WIPF1: variants seen among roughly 807,000 people sequenced by gnomAD.
The protein encoded by WIPF1 is WAS/WASL interacting protein family member 1, also known as WAS/WASL-interacting protein family member 1.
WIPF1 carries 13 observed loss-of-function variants against 35.4 expected under a neutral mutation model. The ratio of observed to expected loss-of-function variants is 0.37; its 90% confidence interval spans 0.24 to 0.58. The LOEUF is 0.58. WIPF1 is among the 20% of genes least tolerant of loss of function. The pLI is 0.74. For synonymous variants in WIPF1, 267 were observed against 266.3 expected (o/e 1.00, Z -0.02); for missense variants, 591 against 667.0 (o/e 0.89, Z 1.25).
At chr2:174,674,298 C>A (rs1019981110) in intron 1 of WIPF1, among the ~76,000 whole-genome samples, 1 of 152,154 alleles carries the variant, frequency 6.6e-6, no homozygotes, top group Admixed American at 6.5e-5. Context: ...CTCAAAGAAC[C>A]TTTGTCTTCA....
intron 1 of WIPF1, among the ~76,000 whole-genome samples, chr2:174,663,293 G>A (rs1041017824): frequency 3.3e-5 from 5 of 152,218 alleles, no homozygotes; most frequent in African/African-American, 9.7e-5. Context: ...AAGGGGTGCA[G>A]AGGAGAAACA....
In WIPF1 at chr2:174,562,386, C is replaced by G; in HGVS notation, c.*161G>C. 6.7e-7 allele frequency: 1 copy of G among 1,492,534 alleles called. No homozygotes were observed. The highest frequency in any genetic ancestry group is 8.9e-7 in the Non-Finnish European group (1 of 1,119,280). The allele number at this position is 1,492,534 out of a possible 1,614,324, so 92.5% of individuals were successfully genotyped here. On this transcript the variant is annotated 3_prime_UTR_variant, in exon 8 of 8. Coordinates refer to ENST00000679041, the MANE Select transcript of WIPF1 (RefSeq NM_001375834.1). ...ACAATATGAAAAGCTAGGTGCATTT[C>G]TTACCGATTCCCACCCACACACGCA...
chr2:174,621,456 A>C (rs79679936), intron 1 of WIPF1, among the ~76,000 whole-genome samples: 3,923 of 152,188 alleles, frequency 0.026, 180 homozygotes, highest in African/African-American at 0.09. Flanking sequence ...ATAGATCTGA[A>C]TAATTAGTAT....
intron 1 of WIPF1, among the ~76,000 whole-genome samples, chr2:174,597,243 A>G (rs980420093): frequency 1.3e-5 from 2 of 152,304 alleles, no homozygotes; most frequent in Admixed American, 6.5e-5. Context: ...TGGCCACACC[A>G]AAGATTCAAA....
chr2:174,660,469 G>A (rs114841252), intron 1 of WIPF1, among the ~76,000 whole-genome samples: 1 of 152,138 alleles, frequency 6.6e-6, no homozygotes, highest in Non-Finnish European at 1.5e-5. Context: ...AACATTCCCA[G>A]GGCAGAGATT....
intron 1 of WIPF1, among the ~76,000 whole-genome samples, chr2:174,667,215 C>T (rs571251156): frequency 1.1e-3 from 169 of 152,340 alleles, no homozygotes; most frequent in Non-Finnish European, 2.3e-3. Context: ...TTCCCACCCT[C>T]GAACAGTCTA....
At chr2:174,672,513 T>A (rs1688039939) in intron 1 of WIPF1, among the ~76,000 whole-genome samples, 1 of 152,262 alleles carries the variant, frequency 6.6e-6, no homozygotes, top group African/African-American at 2.4e-5. Flanking sequence ...CTTTATATAT[T>A]ATACATACAC....
At chr2:174,664,559 A>G (rs1256941209) in intron 1 of WIPF1, among the ~76,000 whole-genome samples, 2 of 152,242 alleles carry the variant, frequency 1.3e-5, no homozygotes, top group African/African-American at 4.8e-5. Context: ...AATGAGCAGT[A>G]GGGGAAAACC....
intron 1 of WIPF1, among the ~76,000 whole-genome samples, chr2:174,593,294 A>C (rs1685684761): frequency 6.6e-6 from 1 of 152,234 alleles, no homozygotes; most frequent in Non-Finnish European, 1.5e-5. Flanking sequence ...AAAAATATTA[A>C]CAGAACAAAA....
intron 1 of WIPF1, among the ~76,000 whole-genome samples, chr2:174,670,192 C>T (rs1285982661): frequency 6.6e-6 from 1 of 152,146 alleles, no homozygotes; most frequent in African/African-American, 2.4e-5. Context: ...TCCCTGCCCC[C>T]CCATCCCACT....
At chr2:174,668,872 A>T (rs1179860511) in intron 1 of WIPF1, among the ~76,000 whole-genome samples, 3 of 152,204 alleles carry the variant, frequency 2.0e-5, no homozygotes, top group Non-Finnish European at 2.9e-5. Flanking sequence ...AAGAGGCAGG[A>T]GGGCCTCATA....
chr2:174,605,386 C>T (rs538098140), intron 1 of WIPF1, among the ~76,000 whole-genome samples: 5 of 152,092 alleles, frequency 3.3e-5, no homozygotes, highest in South Asian at 4.2e-4. Flanking sequence ...TACAGTGAGC[C>T]GAGATTACGC....
chr2:174,657,014 C>T (rs1311599500), intron 1 of WIPF1, among the ~76,000 whole-genome samples: 1 of 152,222 alleles, frequency 6.6e-6, no homozygotes, highest in Non-Finnish European at 1.5e-5. Context: ...CACACTGTTA[C>T]ATAATCCAGA....
At chr2:174,657,467 T>C (rs1324636021) in intron 1 of WIPF1, among the ~76,000 whole-genome samples, 1 of 152,066 alleles carries the variant, frequency 6.6e-6, no homozygotes, top group East Asian at 1.9e-4. Context: ...AAAAATCAGC[T>C]CCCAGGGTTT....
intron 1 of WIPF1, among the ~76,000 whole-genome samples, chr2:174,653,176 G>C (rs1364529800): frequency 2.6e-5 from 4 of 152,160 alleles, no homozygotes; most frequent in African/African-American, 9.7e-5. Flanking sequence ...AAGTGGCAGA[G>C]ATTAGGTTCA....
rs539724318 is a variant in WIPF1 at position 174,560,065 on chromosome 2, A to G, written c.*2482T>C. ...GAGGTGAATGTTAAAATACTGTATT[A>G]CATGTTGAATACATTTATCTGAAAA... On this transcript the variant is annotated 3_prime_UTR_variant, in exon 8 of 8. Transcript: ENST00000679041. 6.5e-6 allele frequency: 1 copy of G among 152,790 alleles called. No homozygotes were observed. Among genetic ancestry groups the G allele is most frequent in the South Asian group, 2.1e-4 (1 of 4,832 alleles). The allele number at this position is 152,790 out of a possible 1,614,324, so 9.5% of individuals were successfully genotyped here.
rs192357121 is a variant in WIPF1, at chr2:174,585,323, G to C, written c.51+200C>G. ...CACCCTTGTACTATCCATCACACGAGACCTTAAACAAACAAAACCCTTCGT... is the reference window on the plus strand; with the variant it reads ...CACCCTTGTACTATCCATCACACGACACCTTAAACAAACAAAACCCTTCGT... On this transcript the variant is annotated intron_variant, in intron 2 of 7. Transcript: ENST00000679041. Among the ~76,000 whole-genome samples, 538 of 152,282 alleles carry C rather than the reference G, an allele frequency of 3.5e-3. 15 individuals carry two copies. Among genetic ancestry groups the C allele is most frequent in the Admixed American group, 0.033 (506 of 15,296 alleles).
At chr2:174,586,506 T>G (rs1040231974) in intron 1 of WIPF1, among the ~76,000 whole-genome samples, 7 of 152,080 alleles carry the variant, frequency 4.6e-5, no homozygotes, top group African/African-American at 4.8e-5. Flanking sequence ...CCCAGGTGGG[T>G]GAGGGGGCAG....
intron 1 of WIPF1, among the ~76,000 whole-genome samples, chr2:174,677,977 C>T (rs906386256): frequency 6.6e-6 from 1 of 152,196 alleles, no homozygotes; most frequent in African/African-American, 2.4e-5. Context: ...CCTAAGTTCT[C>T]TAAGCCTCAG....
Sources: gnomAD v4.1 joint callset for allele counts (sites outside exome capture counted in the v4.1 genomes callset) on GRCh38, gnomAD v4.1.1 for gene constraint, MANE v1.5 for transcripts, NCBI Gene and HGNC (gene_info 2026-07-23, HGNC 2026-07-21) for gene names.